ASIC5: variants seen among roughly 807,000 people sequenced by gnomAD.
The protein encoded by ASIC5 is acid sensing ion channel subunit family member 5.
In ASIC5, 52 loss-of-function variants were observed where a neutral mutation model predicts 51.2. The ratio of observed to expected loss-of-function variants is 1.02; its 90% CI spans 0.81 to 1.28. The LOEUF is 1.28. Among genes scored for constraint, ASIC5 ranks in the 50% most tolerant of loss-of-function variants. The pLI is 0.00. For synonymous variants in ASIC5, 231 were observed against 200.7 expected, an observed-to-expected ratio of 1.15 and a Z score of -1.28; for missense variants, 635 against 595.0, an observed-to-expected ratio of 1.07 and a Z score of -0.70.
intron 8 of ASIC5, among the ~76,000 whole-genome samples, chr4:155,835,207 A>G (rs1432132914): frequency 6.6e-6 from 1 of 152,044 alleles, no homozygotes; most frequent in Non-Finnish European, 1.5e-5. Flanking sequence ...GAGCTTTGTA[A>G]CCCTAGGGTT....
chr4:155,859,962 A>G (rs1741654839), intron 2 of ASIC5, among the ~76,000 whole-genome samples: 1 of 152,190 alleles, frequency 6.6e-6, no homozygotes, highest in Non-Finnish European at 1.5e-5. Context: ...ACATATTTGT[A>G]GCTAGAGTGA....
At chr4:155,843,200 C>T (rs1443558070) in intron 5 of ASIC5, among the ~76,000 whole-genome samples, 1 of 152,118 alleles carries the variant, frequency 6.6e-6, no homozygotes, top group African/African-American at 2.4e-5. Flanking sequence ...TGGTACTTCA[C>T]TTAAACTTCC....
Position 155,863,561 on chromosome 4 carries a change from C to T in ASIC5, c.234G>A (p.Trp78Ter), listed in dbSNP as rs1741774165. 1 of 1,613,512 alleles carries T rather than the reference C, an allele frequency of 6.2e-7. No homozygotes were observed. The highest frequency in any genetic ancestry group is 1.7e-5 in the Admixed American group (1 of 59,868). ...VVLGSVSLVTWQIYIRLLNYF... is the reference protein window; with the variant it reads ...VVLGSVSLVT ...AGTTGAGCAAGCGAATGTAGATCTG[C>T]CATGTCACAAGTGAGACTGAGCCCA... The change falls in exon 2 of 10, where the codon TGG becomes TGA. Residue 78 changes from tryptophan (W) to a stop codon, truncating the protein, a stop_gained. Coordinates refer to ENST00000537611, the MANE Select transcript of ASIC5 (RefSeq NM_017419.3). LOFTEE classifies it high-confidence loss of function.
At chr4:155,856,646 G>C (rs1371140221) in intron 2 of ASIC5, among the ~76,000 whole-genome samples, 1 of 151,948 alleles carries the variant, frequency 6.6e-6, no homozygotes, top group Non-Finnish European at 1.5e-5. Context: ...GTATTTCTTG[G>C]ATCATTAAGG....
intron 6 of ASIC5, among the ~76,000 whole-genome samples, chr4:155,841,944 TATAAAC>T (rs1741129369): frequency 6.6e-6 from 1 of 152,174 alleles, no homozygotes; most frequent in African/African-American, 2.4e-5. Flanking sequence ...ATTAAGTAAA[TATAAAC>T]ATAAAATTCA....
rs750656684 is a variant in ASIC5, at chr4:155,843,751, G to A, written c.791C>T (p.Pro264Leu). The part of the protein sequence containing the change: ...IFVIHSPKKV[P>L]QFDGLGLLSP... ...CAACAAGCCTAACCCATCAAACTGT[G>A]GCACCTTCTTTGGTGAATGGATAAC... is the stretch of plus-strand genomic sequence containing the variant. Residue 264 changes from proline (P) to leucine (L), a missense_variant, in exon 5 of 10, where the codon CCA becomes CTA. Physicochemically the swap from Pro to Leu is moderately conservative, Grantham distance 98. Coordinates refer to ENST00000537611, the MANE Select transcript of ASIC5 (RefSeq NM_017419.3). The A allele has an allele frequency of 6.2e-7, 1 of 1,613,656 alleles. No homozygotes were observed. The highest frequency in any genetic ancestry group is 8.5e-7 in the Non-Finnish European group (1 of 1,179,730).
At chr4:155,850,157 G>A (rs7694695) in intron 4 of ASIC5, among the ~76,000 whole-genome samples, 1,646 of 151,754 alleles carry the variant, frequency 0.011, 26 homozygotes, top group African/African-American at 0.037. Flanking sequence ...ATTATCTTGG[G>A]CTCTGTCAAA....
intron 2 of ASIC5, among the ~76,000 whole-genome samples, chr4:155,862,338 C>T (rs997842408): frequency 3.3e-5 from 5 of 151,970 alleles, no homozygotes; most frequent in Admixed American, 1.3e-4. Flanking sequence ...TAGAAGTCCC[C>T]CAGGAATGAA....
At chr4:155,836,964 GT>G in intron 7 of ASIC5, 107 bp from the exon 8 acceptor site, 1 of 805,770 alleles carries the variant, frequency 1.2e-6, no homozygotes, top group Non-Finnish European at 1.9e-6. Flanking sequence ...AAAAAAGGTG[GT>G]TACCAACAAC....
intron 8 of ASIC5, among the ~76,000 whole-genome samples, chr4:155,834,523 T>C (rs1344539899): frequency 6.6e-6 from 1 of 152,136 alleles, no homozygotes; most frequent in East Asian, 1.9e-4. Flanking sequence ...ACCTTAGTCT[T>C]CCTGGTAATG....
At chr4:155,849,111 G>A (rs1348268093) in intron 4 of ASIC5, among the ~76,000 whole-genome samples, 1 of 152,034 alleles carries the variant, frequency 6.6e-6, no homozygotes, top group Admixed American at 6.6e-5. Flanking sequence ...GCTTTTACTG[G>A]AATGGTGTGC....
At chr4:155,832,684 AT>A (rs959552996) in intron 8 of ASIC5, among the ~76,000 whole-genome samples, 1 of 151,910 alleles carries the variant, frequency 6.6e-6, no homozygotes, top group African/African-American at 2.4e-5. Context: ...AATCCTTCAC[AT>A]TTCCCTTATT....
chr4:155,836,316 C>T (rs1364021411), intron 8 of ASIC5, among the ~76,000 whole-genome samples: 1 of 152,152 alleles, frequency 6.6e-6, no homozygotes, highest in Admixed American at 6.5e-5. Flanking sequence ...ATATTAATTT[C>T]TGTTTCATCT....
intron 8 of ASIC5, 28 bp downstream of exon 8, chr4:155,836,661 C>G: frequency 2.2e-6 from 3 of 1,392,260 alleles, no homozygotes; most frequent in Non-Finnish European, 2.0e-6. Context: ...TGTTAATTAT[C>G]AATAATTTAA....
At chr4:155,863,356 T>C (rs1741763495) in intron 2 of ASIC5, 92 bp downstream of exon 2, 1 of 1,038,524 alleles carries the variant, frequency 9.6e-7, no homozygotes, top group Non-Finnish European at 1.4e-6. Context: ...ATATGATAAG[T>C]TCCACATGAG....
At chr4:155,857,803 ATTC>A (rs1212996541) in intron 2 of ASIC5, among the ~76,000 whole-genome samples, 1 of 152,114 alleles carries the variant, frequency 6.6e-6, no homozygotes, top group African/African-American at 2.4e-5. Flanking sequence ...TGCCTTTTGT[ATTC>A]TTCTTTGAGC....
chr4:155,846,916 T>C (rs1391247705), intron 4 of ASIC5, among the ~76,000 whole-genome samples: 3 of 151,972 alleles, frequency 2.0e-5, no homozygotes, highest in Non-Finnish European at 4.4e-5. Context: ...TCAAAGCTTA[T>C]CTAAAGGTTA....
intron 7 of ASIC5, among the ~76,000 whole-genome samples, chr4:155,838,017 A>G (rs1007427883): frequency 6.6e-6 from 1 of 152,156 alleles, no homozygotes; most frequent in African/African-American, 2.4e-5. Context: ...GCTTTTGTAT[A>G]TTCAGCCTGT....
chr4:155,863,534 G>T lies in ASIC5; in HGVS notation c.261C>A (p.Tyr87Ter), dbSNP rs1414470655. The change falls in exon 2 of 10, where the codon TAC (tyrosine) becomes TAA (stop). Residue 87 changes from tyrosine to a stop codon, truncating the protein, a stop_gained. Coordinates refer to ENST00000537611, the MANE Select transcript of ASIC5 (RefSeq NM_017419.3). LOFTEE classifies it high-confidence loss of function. Reference protein sequence around the residue: ...TWQIYIRLLNYFTWPTTTSIE... With the variant: ...TWQIYIRLLN ...TGGACGTTGTGGTTGGCCATGTGAAGTAGTTGAGCAAGCGAATGTAGATCT... is the reference window on the plus strand; with the variant it reads ...TGGACGTTGTGGTTGGCCATGTGAATTAGTTGAGCAAGCGAATGTAGATCT... The T allele has an allele frequency of 6.2e-7, 1 of 1,613,800 alleles. No homozygotes were observed. Among genetic ancestry groups the T allele is most frequent in the African/African-American group, 1.3e-5 (1 of 75,020 alleles).
Sources: gnomAD v4.1 joint callset for allele counts (sites outside exome capture counted in the v4.1 genomes callset) on GRCh38, gnomAD v4.1.1 for gene constraint, MANE v1.5 for transcripts, NCBI Gene and HGNC (gene_info 2026-07-23, HGNC 2026-07-21) for gene names.